THBS2: variants seen among roughly 807,000 people sequenced by gnomAD.
The protein encoded by THBS2 is thrombospondin 2, also known as thrombospondin-2.
Under a neutral mutation model 135.2 loss-of-function variants are expected in THBS2, and 47 were observed. That is an observed-to-expected ratio of 0.35 (90% CI 0.28 to 0.44). The LOEUF (loss-of-function observed/expected upper bound fraction) is 0.44. THBS2 is among the 20% of genes least tolerant of loss of function. The pLI is 1.00. For missense variants in THBS2, 1,288 were observed against 1,603.1 expected (o/e 0.80, Z 3.36); for synonymous variants, 639 against 633.8 (o/e 1.01, Z -0.12).
chr6:169,243,239 G>A (rs1381318548), intron 4 of THBS2, among the ~76,000 whole-genome samples: 1 of 151,564 alleles, frequency 6.6e-6, no homozygotes, highest in Non-Finnish European at 1.5e-5. Context: ...CACTCCCTCT[G>A]AAGCCCTAGA....
At chr6:169,238,199 G>A (rs1469125218) in intron 7 of THBS2, among the ~76,000 whole-genome samples, 2 of 152,204 alleles carry the variant, frequency 1.3e-5, no homozygotes, top group Non-Finnish European at 2.9e-5. Context: ...TTTAACCTCT[G>A]TTCGCTGATT....
intron 17 of THBS2, 46 bp from the exon 18 acceptor site, chr6:169,223,521 A>C (rs1225593214): frequency 6.4e-7 from 1 of 1,567,318 alleles, no homozygotes; most frequent in African/African-American, 1.4e-5. Context: ...ACAAAGAAGC[A>C]AAGTCGGTGG....
intron 4 of THBS2, among the ~76,000 whole-genome samples, chr6:169,245,321 G>A (rs1466918871): frequency 6.6e-6 from 1 of 152,136 alleles, no homozygotes; most frequent in Admixed American, 6.5e-5. Flanking sequence ...ATGATGTACG[G>A]CATTTAATGA....
At chr6:169,228,603 C>T (rs1175672140) in intron 14 of THBS2, among the ~76,000 whole-genome samples, 2 of 151,410 alleles carry the variant, frequency 1.3e-5, no homozygotes, top group East Asian at 3.9e-4. Context: ...GGCGCAGTGG[C>T]TCACACCTTT....
intron 3 of THBS2, among the ~76,000 whole-genome samples, chr6:169,246,572 G>A (rs1011410169): frequency 6.6e-6 from 1 of 152,216 alleles, no homozygotes; most frequent in Non-Finnish European, 1.5e-5. Context: ...GGTGTGGCCT[G>A]CTGTGTGTTC....
At chr6:169,244,406 C>A (rs1475404088) in intron 4 of THBS2, among the ~76,000 whole-genome samples, 1 of 150,868 alleles carries the variant, frequency 6.6e-6, no homozygotes, top group Non-Finnish European at 1.5e-5. Context: ...TACTCACTGA[C>A]CATTATGACA....
chr6:169,221,306 C>T (rs778059129), intron 20 of THBS2, 124 bp downstream of exon 20: 35 of 784,564 alleles, frequency 4.5e-5, no homozygotes, highest in Middle Eastern at 2.3e-4. Context: ...CAGTTAATGA[C>T]GAAGAATCCA....
At chr6:169,228,014 G>A in intron 15 of THBS2, 108 bp downstream of exon 15, 1 of 1,346,340 alleles carries the variant, frequency 7.4e-7, no homozygotes, top group Non-Finnish European at 9.9e-7. Context: ...CCAAAAGGTG[G>A]AGATCGCAGT....
Position 169,241,147 on chromosome 6 carries a change from TCAGC to T in THBS2, c.892-559_892-556del, listed in dbSNP as rs1270024237. On this transcript the variant is annotated intron_variant, in intron 5 of 21. Transcript: ENST00000617924. This position sits in a 1 kb window ranked among gnomAD's most constrained non-coding sequence, Gnocchi z 5.5. The stretch of plus-strand genomic sequence containing the variant: ...CATGCCCTCTGGGTACGAGTGACAG[TCAGC>T]ATCACTGCACCCTGGTTAGCCATGT... Among the ~76,000 whole-genome samples, 1 of 136,700 alleles carries T rather than the reference TCAGC, an allele frequency of 7.3e-6. No individual in the cohort carries two copies. The highest frequency in any genetic ancestry group is 1.7e-5 in the Non-Finnish European group (1 of 59,510). The allele number at this position is 136,700 out of a possible 152,430, so 89.7% of individuals were successfully genotyped here.
chr6:169,245,519 G>A (rs557268729), intron 4 of THBS2, among the ~76,000 whole-genome samples: 43 of 152,234 alleles, frequency 2.8e-4, no homozygotes, highest in South Asian at 1.0e-3. Flanking sequence ...TAGGCCGGGC[G>A]TGGTGGCTCA....
chr6:169,247,615 T>C (rs1449702012), intron 3 of THBS2, among the ~76,000 whole-genome samples: 1 of 151,944 alleles, frequency 6.6e-6, no homozygotes, highest in African/African-American at 2.4e-5. Context: ...TGCACGTGTG[T>C]ATGTGTGTGT....
Position 169,227,334 on chromosome 6 carries a change from C to T in THBS2, c.2419+788G>A, listed in dbSNP as rs547862234. Among the ~76,000 whole-genome samples, 39 of 152,270 alleles carry T rather than the reference C, an allele frequency of 2.6e-4. 2 individuals are homozygous for T. In the South Asian group the frequency reaches 8.1e-3, roughly 32 times the overall value. ...CACCCCAAGAGAAGGGATGACCATG[C>T]GGTGACAGTGGCACTGGGTTGCAGA... On this transcript the variant is annotated intron_variant, in intron 15 of 21. Transcript: ENST00000617924.
In THBS2 at chr6:169,217,731, T is replaced by TAG. The variant is rs1208324250; in HGVS notation, c.*89_*90dup. 17 of 1,452,960 alleles carry TAG rather than the reference T, an allele frequency of 1.2e-5. No individual in the cohort carries two copies. Among genetic ancestry groups the TAG allele is most frequent in the Non-Finnish European group, 1.6e-5 (17 of 1,057,064 alleles). The allele number at this position is 1,452,960 out of a possible 1,614,324, so 90.0% of individuals were successfully genotyped here. ...AAGGTCAAGGGACAGGAGGTGCTGCTAGAGAGAGAAGCCACAAGGACCACA... is the reference window on the plus strand; with the variant it reads ...AAGGTCAAGGGACAGGAGGTGCTGCTAGAGAGAGAGAAGCCACAAGGACCACA... On this transcript the variant is annotated 3_prime_UTR_variant, in exon 22 of 22. Transcript: ENST00000617924.
At chr6:169,245,946 A>T in intron 4 of THBS2, 1 of 351,662 alleles carries the variant, frequency 2.8e-6, no homozygotes, top group Non-Finnish European at 5.2e-6. Context: ...TTTGTCTTCT[A>T]TAATAAAATT....
intron 20 of THBS2, 74 bp downstream of exon 20, chr6:169,221,356 T>C: frequency 7.5e-7 from 1 of 1,334,572 alleles, no homozygotes; most frequent in Non-Finnish European, 1.1e-6. Context: ...AGCTTATTTG[T>C]CTATTAATGT....
chr6:169,241,744 C>T lies in THBS2; in HGVS notation c.891+18G>A, dbSNP rs770208986. 1.3e-6 allele frequency: 2 copies of T among 1,589,482 alleles called. No homozygotes were observed. Among genetic ancestry groups the T allele is most frequent in the South Asian group, 2.2e-5 (2 of 89,580 alleles). Reference sequence around the variant, plus strand: ...GCCCATGCCCTATGACCCCCGCGGCCCCTGCGTGAGTACCCACCACTCTCT... The same window carrying T: ...GCCCATGCCCTATGACCCCCGCGGCTCCTGCGTGAGTACCCACCACTCTCT... On this transcript the variant is annotated intron_variant, in intron 5 of 21. Coordinates refer to ENST00000617924, the MANE Select transcript of THBS2 (RefSeq NM_003247.5). This position sits in a 1 kb window ranked among gnomAD's most constrained non-coding sequence, Gnocchi z 5.5.
intron 16 of THBS2, 56 bp from the exon 17 acceptor site, chr6:169,225,435 G>A (rs1779594363): frequency 2.6e-6 from 4 of 1,510,798 alleles, no homozygotes; most frequent in Non-Finnish European, 3.6e-6. Flanking sequence ...AGGAGGTGGA[G>A]AGGAACCAGC....
intron 15 of THBS2, 107 bp from the exon 16 acceptor site, chr6:169,226,405 C>T (rs1779631910): frequency 4.2e-6 from 3 of 710,432 alleles, no homozygotes. Context: ...TACAGCCACA[C>T]TTCTATTTAA....
Position 169,234,503 on chromosome 6 carries a change from C to T in THBS2, c.1651+231G>A, listed in dbSNP as rs113623545. The T allele has an allele frequency of 1.1e-3, 479 of 443,784 alleles. 8 individuals are homozygous for T. Among genetic ancestry groups the T allele is most frequent in the Middle Eastern group, 7.3e-3 (12 of 1,634 alleles). 27.5% of individuals were successfully genotyped at this position (443,784 alleles called of 1,614,324 possible). ...ACAATTACCCACACACCACATTCCA[C>T]GCCACACAACTACCCACATTCCACA... On this transcript the variant is annotated intron_variant, in intron 10 of 21. Coordinates refer to ENST00000617924, the MANE Select transcript of THBS2 (RefSeq NM_003247.5).
Sources: gnomAD v4.1 joint callset for allele counts (sites outside exome capture counted in the v4.1 genomes callset) on GRCh38, gnomAD v4.1.1 for gene constraint, Gnocchi (gnomAD v3.1) non-coding constraint, MANE v1.5 for transcripts, NCBI Gene and HGNC (gene_info 2026-07-23, HGNC 2026-07-21) for gene names.